CDK14: variants seen among roughly 807,000 people sequenced by gnomAD.
CDK14 encodes cyclin dependent kinase 14, also known as cyclin-dependent kinase 14.
Under a neutral mutation model 60.7 loss-of-function variants are expected in CDK14, and 34 were observed. The observed-to-expected ratio is 0.56, with a 90% CI of 0.43 to 0.75. The LOEUF is 0.75. Ranked by LOEUF, CDK14 falls within the 30% of genes least tolerant of loss-of-function variation. The pLI is 0.00. For synonymous variants in CDK14, 197 were observed against 203.7 expected, an observed-to-expected ratio of 0.97 and a Z score of 0.28; for missense variants, 482 against 564.1, an observed-to-expected ratio of 0.85 and a Z score of 1.47.
At chr7:90,901,895 C>G (rs187311933) in intron 7 of CDK14, among the ~76,000 whole-genome samples, 2 of 152,050 alleles carry the variant, frequency 1.3e-5, no homozygotes, top group Admixed American at 6.6e-5. Flanking sequence ...AGTTACAGAG[C>G]TGATAAACTA....
intron 6 of CDK14, among the ~76,000 whole-genome samples, chr7:90,887,875 T>C (rs926842434): frequency 4.6e-5 from 7 of 152,234 alleles, no homozygotes; most frequent in Admixed American, 1.3e-4. Flanking sequence ...CTTATAGTCA[T>C]AAGTAAACTC....
At chr7:91,059,768 G>C (rs1437181010) in intron 11 of CDK14, among the ~76,000 whole-genome samples, 4 of 152,330 alleles carry the variant, frequency 2.6e-5, no homozygotes, top group Non-Finnish European at 4.4e-5. Context: ...TGGTCTGAGA[G>C]ACAGTTTGTT....
chr7:91,098,464 C>G (rs1042654371), intron 12 of CDK14, among the ~76,000 whole-genome samples: 1 of 150,278 alleles, frequency 6.7e-6, no homozygotes, highest in African/African-American at 2.5e-5. Flanking sequence ...TGTAACAAAC[C>G]TGCATGTTGT....
chr7:90,843,621 C>T (rs1790371412), intron 5 of CDK14, among the ~76,000 whole-genome samples: 1 of 152,102 alleles, frequency 6.6e-6, no homozygotes, highest in Non-Finnish European at 1.5e-5. Flanking sequence ...AATTCTTTGG[C>T]TTGAGACCCA....
intron 4 of CDK14, among the ~76,000 whole-genome samples, chr7:90,789,091 C>T (rs551656155): frequency 6.6e-6 from 1 of 152,236 alleles, no homozygotes; most frequent in Admixed American, 6.5e-5. Flanking sequence ...AACTTACGGA[C>T]ATATTTTTAC....
At chr7:90,885,632 A>G (rs1220427650) in intron 6 of CDK14, among the ~76,000 whole-genome samples, 4 of 152,210 alleles carry the variant, frequency 2.6e-5, no homozygotes, top group Admixed American at 6.5e-5. Context: ...TTATTGCAGC[A>G]CTATTTACAA....
chr7:90,895,383 CT>C (rs1562817600), intron 6 of CDK14, among the ~76,000 whole-genome samples: 1 of 5,914 alleles, frequency 1.7e-4, no homozygotes, highest in Non-Finnish European at 3.0e-4. Flanking sequence ...CCCCTCTCCT[CT>C]CCTCTCCTCT....
chr7:90,874,335 C>G (rs1221532948), intron 6 of CDK14, among the ~76,000 whole-genome samples: 2 of 151,906 alleles, frequency 1.3e-5, no homozygotes, highest in Non-Finnish European at 2.9e-5. Flanking sequence ...TAATTCCATT[C>G]GAATTTCAGT....
intron 5 of CDK14, among the ~76,000 whole-genome samples, chr7:90,816,678 C>T (rs549319200): frequency 2.6e-5 from 4 of 152,136 alleles, no homozygotes; most frequent in African/African-American, 4.8e-5. Flanking sequence ...GTATCTTCAG[C>T]GAGGGTGAGT....
chr7:90,793,952 CG>C (rs1448995182), intron 5 of CDK14, among the ~76,000 whole-genome samples: 1 of 152,026 alleles, frequency 6.6e-6, no homozygotes, highest in Non-Finnish European at 1.5e-5. Flanking sequence ...AATTGTCTAT[CG>C]GGGGAAACCA....
At chr7:91,099,447 A>G (rs1267956061) in intron 12 of CDK14, among the ~76,000 whole-genome samples, 1 of 152,188 alleles carries the variant, frequency 6.6e-6, no homozygotes, top group Non-Finnish European at 1.5e-5. Context: ...ACCACTTTGA[A>G]TTCAGGAAAA....
intron 2 of CDK14, among the ~76,000 whole-genome samples, chr7:90,678,073 G>A (rs1801236464): frequency 2.0e-5 from 3 of 152,182 alleles, no homozygotes; most frequent in Admixed American, 2.0e-4. Flanking sequence ...AACTGGTCTT[G>A]GTTATTAGCT....
intron 2 of CDK14, among the ~76,000 whole-genome samples, chr7:90,671,599 A>G (rs1165178343): frequency 9.9e-5 from 15 of 152,082 alleles, no homozygotes. Context: ...GCAAGCTCGT[A>G]TATTTTTATC....
chr7:91,183,558 G>A (rs757624798), intron 14 of CDK14, among the ~76,000 whole-genome samples: 14 of 152,034 alleles, frequency 9.2e-5, no homozygotes, highest in Non-Finnish European at 1.6e-4. Flanking sequence ...GTTTCTCCAG[G>A]CTCAACCAGT....
chr7:90,634,820 C>T (rs1344418811), intron 2 of CDK14, among the ~76,000 whole-genome samples: 6 of 152,116 alleles, frequency 3.9e-5, no homozygotes, highest in East Asian at 1.9e-4. Context: ...TTAATGATTG[C>T]CATTCTAACT....
At chr7:91,123,781 C>T (rs1042442149) in intron 14 of CDK14, among the ~76,000 whole-genome samples, 6 of 152,132 alleles carry the variant, frequency 3.9e-5, no homozygotes, top group African/African-American at 1.4e-4. Flanking sequence ...ACCACCCTAA[C>T]CGCATGCAAG....
At chr7:90,770,163 G>A (rs1804728464) in intron 4 of CDK14, among the ~76,000 whole-genome samples, 2 of 152,196 alleles carry the variant, frequency 1.3e-5, no homozygotes, top group South Asian at 4.1e-4. Flanking sequence ...GTTTGATGGT[G>A]ATGAACACAC....
At position 91,118,210 on chromosome 7, in the gene CDK14, T is replaced by A; in HGVS notation, c.*28+2T>A. On this transcript the variant is annotated splice_donor_variant, in intron 14 of 14. Coordinates refer to ENST00000380050, the MANE Select transcript of CDK14 (RefSeq NM_001287135.2). LOFTEE classifies it low-confidence loss of function (3UTR_SPLICE). ...CAGCACATTCTCAAGAGCACACAGG[T>A]AAGAGGACCTGCTTTACCTGGAAAG... 1 of 1,290,168 alleles carries A rather than the reference T, an allele frequency of 7.8e-7. No homozygotes were observed. Among genetic ancestry groups the A allele is most frequent in the Non-Finnish European group, 1.1e-6 (1 of 891,116 alleles). The allele number at this position is 1,290,168 out of a possible 1,614,324, so 79.9% of individuals were successfully genotyped here. A position where few individuals can be genotyped will look rare whatever the true frequency, so the allele number is the denominator to read the frequency against.
chr7:91,141,652 A>G (rs980147878), intron 14 of CDK14, among the ~76,000 whole-genome samples: 1 of 152,032 alleles, frequency 6.6e-6, no homozygotes, highest in African/African-American at 2.4e-5. Context: ...CTCGGCTACC[A>G]GCTTCTCCAT....
Sources: gnomAD v4.1 joint callset for allele counts (sites outside exome capture counted in the v4.1 genomes callset) on GRCh38, gnomAD v4.1.1 for gene constraint, MANE v1.5 for transcripts, NCBI Gene and HGNC (gene_info 2026-07-23, HGNC 2026-07-21) for gene names.